FBXO28: variants seen among roughly 807,000 people sequenced by gnomAD.
FBXO28 encodes the protein F-box protein 28, also known as F-box only protein 28.
A neutral mutation model predicts 38.1 loss-of-function variants in FBXO28; 8 were observed. The ratio of observed to expected loss-of-function variants is 0.21; its 90% CI spans 0.12 to 0.38. FBXO28 has a LOEUF of 0.38. Among genes scored for constraint, FBXO28 ranks in the 10% least tolerant of loss-of-function variants. FBXO28 has a pLI of 1.00. For synonymous variants in FBXO28, 168 were observed against 173.8 expected, an observed-to-expected ratio of 0.97 and a Z score of 0.26; for missense variants, 345 against 460.6, an observed-to-expected ratio of 0.75 and a Z score of 2.30.
chr1:224,136,650 C>T (rs1187799372), intron 3 of FBXO28, among the ~76,000 whole-genome samples: 1 of 151,128 alleles, frequency 6.6e-6, no homozygotes, highest in Non-Finnish European at 1.5e-5. Context: ...ATGGCATGAA[C>T]CTGGGAGGCA....
intron 1 of FBXO28, among the ~76,000 whole-genome samples, chr1:224,129,850 C>T (rs1214427497): frequency 2.6e-5 from 4 of 152,128 alleles, no homozygotes; most frequent in Middle Eastern, 3.2e-3. Context: ...ATTAGCCGGG[C>T]GTGGTGGCGG....
At chr1:224,135,365 T>C (rs932425451) in intron 3 of FBXO28, among the ~76,000 whole-genome samples, 2 of 152,122 alleles carry the variant, frequency 1.3e-5, no homozygotes, top group African/African-American at 2.4e-5. Flanking sequence ...CTCACAGTTA[T>C]CATAACTTCA....
intron 3 of FBXO28, among the ~76,000 whole-genome samples, chr1:224,147,434 A>AG (rs398103754): frequency 6.7e-6 from 1 of 149,192 alleles, no homozygotes; most frequent in Non-Finnish European, 1.5e-5. Flanking sequence ...AAAAAAAAAA[A>AG]GAGAAGAAAA....
Position 224,131,133 on chromosome 1 carries a change from T to C in FBXO28, c.377+552T>C, listed in dbSNP as rs191892793. The C allele has an allele frequency of 4.8e-3, 739 of 152,388 alleles. 1 individual carries two copies. Among genetic ancestry groups the C allele is most frequent in the Non-Finnish European group, 7.0e-3 (478 of 68,102 alleles). 9.4% of individuals were successfully genotyped at this position (152,388 alleles called of 1,614,324 possible). On this transcript the variant is annotated intron_variant, in intron 2 of 4. Transcript: ENST00000366862. ...GACTTAAATAAGTGGAAAGGCATTC[T>C]GTGTTCATGGATTTGAAGACTTCAT...
At chr1:224,136,103 T>TTTTTG (rs1461387649) in intron 3 of FBXO28, among the ~76,000 whole-genome samples, 1 of 122,806 alleles carries the variant, frequency 8.1e-6, no homozygotes, top group Non-Finnish European at 1.7e-5. Flanking sequence ...TGACTTCAGT[T>TTTTTG]TTTTTTTTTT....
intron 1 of FBXO28, among the ~76,000 whole-genome samples, chr1:224,123,935 C>G (rs1026468234): frequency 6.7e-6 from 1 of 149,982 alleles, no homozygotes; most frequent in African/African-American, 2.5e-5. Flanking sequence ...ATGGTGAAAC[C>G]CTGTCTCTAC....
At chr1:224,118,191 T>C (rs919889283) in intron 1 of FBXO28, among the ~76,000 whole-genome samples, 5 of 151,752 alleles carry the variant, frequency 3.3e-5, no homozygotes, top group African/African-American at 1.2e-4. Flanking sequence ...GCTCAAGTGG[T>C]CCGCCCACCT....
At chr1:224,117,329 G>C (rs1005200449) in intron 1 of FBXO28, among the ~76,000 whole-genome samples, 3 of 151,766 alleles carry the variant, frequency 2.0e-5, no homozygotes, top group African/African-American at 7.3e-5. Flanking sequence ...CACCATGCCC[G>C]GCTAATTTTT....
intron 3 of FBXO28, among the ~76,000 whole-genome samples, chr1:224,137,104 A>G (rs1362134212): frequency 6.6e-6 from 1 of 151,832 alleles, no homozygotes; most frequent in Non-Finnish European, 1.5e-5. Context: ...TTTTATATAG[A>G]CTACATTCAT....
At chr1:224,124,873 G>A (rs1357172211) in intron 1 of FBXO28, among the ~76,000 whole-genome samples, 3 of 152,054 alleles carry the variant, frequency 2.0e-5, no homozygotes, top group Admixed American at 6.5e-5. Context: ...GATTACAGGC[G>A]CCGGCTACCA....
Position 224,136,101 on chromosome 1 carries a change from GTTTT to G in FBXO28, c.516+1906_516+1909del, listed in dbSNP as rs397982996. Among the ~76,000 whole-genome samples the G allele has an allele frequency of 4.0e-5, 3 of 75,114 alleles. 1 individual carries two copies. Among genetic ancestry groups the G allele is most frequent in the African/African-American group, 1.1e-4 (2 of 17,986 alleles). The allele number at this position is 75,114 out of a possible 152,430, so 49.3% of individuals were successfully genotyped here. ...TTTTGGAAACCATTTGTTGACTTCAGTTTTTTTTTTTTTTTTTTTTGAGATGGTG... is the reference window on the plus strand; with the variant it reads ...TTTTGGAAACCATTTGTTGACTTCAGTTTTTTTTTTTTTTTTGAGATGGTG... On this transcript the variant is annotated intron_variant, in intron 3 of 4. Transcript: ENST00000366862.
chr1:224,134,567 G>T (rs1337526390), intron 3 of FBXO28, among the ~76,000 whole-genome samples: 1 of 152,186 alleles, frequency 6.6e-6, no homozygotes. Flanking sequence ...TGGGGAGGTA[G>T]AAAAGGAGGG....
rs1657807044 is a variant in FBXO28, at chr1:224,157,837, C to T, written c.*91C>T. Reference sequence around the variant, plus strand: ...GGATACTGTGAGCAACATGGTGTCCCTTAAGCTTCTAGGCTTTCAGAACAC... The same window carrying T: ...GGATACTGTGAGCAACATGGTGTCCTTTAAGCTTCTAGGCTTTCAGAACAC... On this transcript the variant is annotated 3_prime_UTR_variant, in exon 5 of 5. Transcript: ENST00000366862. 31 of 1,481,692 alleles carry T rather than the reference C, an allele frequency of 2.1e-5. No homozygotes were observed. Among genetic ancestry groups the T allele is most frequent in the Non-Finnish European group, 2.7e-5 (30 of 1,120,638 alleles). 91.8% of individuals were successfully genotyped at this position (1,481,692 alleles called of 1,614,324 possible). A position where few individuals can be genotyped will look rare whatever the true frequency, so the allele number is the denominator to read the frequency against.
intron 3 of FBXO28, among the ~76,000 whole-genome samples, chr1:224,146,709 T>A (rs1295986834): frequency 1.8e-5 from 2 of 111,384 alleles, no homozygotes; most frequent in Non-Finnish European, 3.9e-5. Context: ...AAAATTTTTT[T>A]TTTTTTTTTT....
At chr1:224,118,460 A>G (rs1656696613) in intron 1 of FBXO28, among the ~76,000 whole-genome samples, 1 of 152,208 alleles carries the variant, frequency 6.6e-6, no homozygotes, top group Non-Finnish European at 1.5e-5. Flanking sequence ...AGTGGTTCAG[A>G]ACATGAATTT....
intron 3 of FBXO28, among the ~76,000 whole-genome samples, chr1:224,139,577 A>G (rs1255307449): frequency 1.3e-5 from 2 of 152,060 alleles, no homozygotes; most frequent in African/African-American, 2.4e-5. Flanking sequence ...CCCCGTCTCT[A>G]CTAAAAATAC....
At chr1:224,120,215 C>T (rs758843644) in intron 1 of FBXO28, among the ~76,000 whole-genome samples, 2 of 152,174 alleles carry the variant, frequency 1.3e-5, no homozygotes, top group African/African-American at 4.8e-5. Flanking sequence ...CCCTTAAACA[C>T]CTACTTCTAG....
chr1:224,134,101 A>G lies in FBXO28; in HGVS notation c.405A>G (p.Ser135=), dbSNP rs902353018. ...PRRESERRNH[S]LARHADILAA... ...GAGAGTCAGAAAGGAGAAACCATTC[A>G]TTAGCTCGTCATGCAGACATTCTTG... The change falls in exon 3 of 5, where the codon TCA becomes TCG. Residue 135 remains serine, a synonymous_variant. Coordinates refer to ENST00000366862, the MANE Select transcript of FBXO28 (RefSeq NM_015176.4). The G allele has an allele frequency of 6.3e-7, 1 of 1,594,436 alleles. No homozygotes were observed. Among genetic ancestry groups the G allele is most frequent in the Non-Finnish European group, 8.5e-7 (1 of 1,171,252 alleles).
chr1:224,154,807 G>A (rs1379827249), intron 4 of FBXO28, among the ~76,000 whole-genome samples: 3 of 112,540 alleles, frequency 2.7e-5, no homozygotes, highest in Non-Finnish European at 3.8e-5. Flanking sequence ...GCGAGACTCC[G>A]TCTCAAAAAA....
Sources: gnomAD v4.1 joint callset for allele counts (sites outside exome capture counted in the v4.1 genomes callset) on GRCh38, gnomAD v4.1.1 for gene constraint, MANE v1.5 for transcripts, NCBI Gene and HGNC (gene_info 2026-07-23, HGNC 2026-07-21) for gene names.